KLF7: variants seen among roughly 807,000 people sequenced by gnomAD.
KLF7 encodes the protein KLF transcription factor 7, also known as Krueppel-like factor 7.
A neutral mutation model predicts 27.3 loss-of-function variants in KLF7; 2 were observed. The ratio of observed to expected loss-of-function variants is 0.07; its 90% CI spans 0.03 to 0.23. The LOEUF is 0.23. KLF7 is among the 10% of genes least tolerant of loss of function. The probability of loss-of-function intolerance (pLI) is 1.00; values close to 1 mark genes in which losing one functional copy is unlikely to be tolerated. For missense variants in KLF7, 221 were observed against 394.1 expected (o/e 0.56, Z 3.72); for synonymous variants, 165 against 162.4 (o/e 1.02, Z -0.12).
At position 207,165,605 on chromosome 2, in the gene KLF7, C is replaced by T; in HGVS notation, c.-37G>A. The T allele has an allele frequency of 1.2e-6, 2 of 1,612,220 alleles. No homozygotes were observed. The highest frequency in any genetic ancestry group is 1.7e-6 in the Non-Finnish European group (2 of 1,179,930). On this transcript the variant is annotated 5_prime_UTR_variant, in exon 1 of 4. Coordinates refer to ENST00000309446, the MANE Select transcript of KLF7 (RefSeq NM_003709.4). ...CGGGCAAAACGGGAGGCGAAACCCT[C>T]CCCCGAACACAGTTGGGGCTGTTTG...
intron 2 of KLF7, among the ~76,000 whole-genome samples, chr2:207,102,990 G>A (rs967260831): frequency 9.2e-5 from 14 of 152,130 alleles, no homozygotes; most frequent in East Asian, 1.9e-4. Flanking sequence ...GTGCAGTGGC[G>A]TGATCTTAGC....
chr2:207,164,279 G>T (rs977508883), intron 1 of KLF7, among the ~76,000 whole-genome samples: 1 of 152,180 alleles, frequency 6.6e-6, no homozygotes, highest in Non-Finnish European at 1.5e-5. Context: ...GTCACTAAGC[G>T]AAGAAATTAC....
Position 207,115,041 on chromosome 2 carries a change from T to C in KLF7, c.733+8733A>G, listed in dbSNP as rs2284937. On this transcript the variant is annotated intron_variant, in intron 2 of 3. Transcript: ENST00000309446. Reference sequence around the variant, plus strand: ...ACAAAATAAGCCTAAGTATATGTTTTATAATACCAGATGAGTAGTTTAGAA... The same window carrying C: ...ACAAAATAAGCCTAAGTATATGTTTCATAATACCAGATGAGTAGTTTAGAA... Among the ~76,000 whole-genome samples, 53 of 152,376 alleles carry C rather than the reference T, an allele frequency of 3.5e-4. No homozygotes were observed. The East Asian group carries it at 0.01, about 29-fold the overall frequency.
Position 207,124,018 on chromosome 2 carries a change from C to T in KLF7, c.489G>A (p.Thr163=), listed in dbSNP as rs751386461. The T allele has an allele frequency of 3.8e-5, 61 of 1,614,156 alleles. 1 individual carries two copies. Among genetic ancestry groups the T allele is most frequent in the South Asian group, 2.9e-4 (26 of 91,078 alleles). The change falls in exon 2 of 4, where the codon ACG becomes ACA. Residue 163 remains threonine, a synonymous_variant. Coordinates refer to ENST00000309446, the MANE Select transcript of KLF7 (RefSeq NM_003709.4). ...CAGCCTTCTTGGCCACCAGTTTCAACGTCACCGTGCCATCCACGGCAGAGA... is the reference window on the plus strand; with the variant it reads ...CAGCCTTCTTGGCCACCAGTTTCAATGTCACCGTGCCATCCACGGCAGAGA... ...QTLSAVDGTV[T]LKLVAKKAAL...
chr2:207,076,749 A>G lies in KLF7; in HGVS notation c.*4464T>C, dbSNP rs978546260. The G allele has an allele frequency of 6.6e-6, 1 of 152,202 alleles. No individual in the cohort carries two copies. The highest frequency in any genetic ancestry group is 2.4e-5 in the African/African-American group (1 of 41,450). 9.4% of individuals were successfully genotyped at this position (152,202 alleles called of 1,614,324 possible). Reference sequence around the variant, plus strand: ...GGCCCTCTAGTTTTCAAACTGAGATATCACCATGTTCACCGAAATTTAATC... The same window carrying G: ...GGCCCTCTAGTTTTCAAACTGAGATGTCACCATGTTCACCGAAATTTAATC... On this transcript the variant is annotated 3_prime_UTR_variant, in exon 4 of 4. Transcript: ENST00000309446.
intron 1 of KLF7, among the ~76,000 whole-genome samples, chr2:207,133,402 A>G (rs1286816223): frequency 6.6e-6 from 1 of 152,224 alleles, no homozygotes; most frequent in Non-Finnish European, 1.5e-5. Flanking sequence ...AGACACTCCA[A>G]TGGGAAAAAC....
At chr2:207,084,105 A>G (rs1375662387) in intron 3 of KLF7, among the ~76,000 whole-genome samples, 1 of 152,168 alleles carries the variant, frequency 6.6e-6, no homozygotes, top group Non-Finnish European at 1.5e-5. Context: ...CAAGGCAGCA[A>G]CTAGAAAATT....
upstream of KLF7, chr2:207,167,148 C>A: frequency 6.9e-7 from 1 of 1,439,794 alleles, no homozygotes; most frequent in South Asian, 1.4e-5. Context: ...ACCATGGGGT[C>A]TCCAGCGAGG....
Position 207,165,828 on chromosome 2 carries a change from G to T in KLF7, c.-260C>A. On this transcript the variant is annotated 5_prime_UTR_variant, in exon 1 of 4. Coordinates refer to ENST00000309446, the MANE Select transcript of KLF7 (RefSeq NM_003709.4). The stretch of plus-strand genomic sequence containing the variant: ...ACAGTGCAGACGACTGCCAGGAAAA[G>T]GGGACTTCTCCACGGGAGTAACAAT... 7.5e-7 allele frequency: 1 copy of T among 1,326,098 alleles called. No homozygotes were observed. The highest frequency in any genetic ancestry group is 9.7e-7 in the Non-Finnish European group (1 of 1,034,764). 82.1% of individuals were successfully genotyped at this position (1,326,098 alleles called of 1,614,324 possible). A position where few individuals can be genotyped will look rare whatever the true frequency, so the allele number is the denominator to read the frequency against.
At chr2:207,102,928 CTTTTA>C (rs2076800831) in intron 2 of KLF7, among the ~76,000 whole-genome samples, 1 of 151,984 alleles carries the variant, frequency 6.6e-6, no homozygotes, top group South Asian at 2.1e-4. Flanking sequence ...TCAAGCTGTA[CTTTTA>C]TTTATTTATT....
rs1574529561 is a variant in KLF7 at position 207,133,990 on chromosome 2, A to G, written c.103-9586T>C. The G allele has an allele frequency of 9.0e-6, 10 of 1,105,434 alleles. No individual in the cohort carries two copies. The Admixed American group carries it at 2.2e-4, about 25-fold the overall frequency. 68.5% of individuals were successfully genotyped at this position (1,105,434 alleles called of 1,614,324 possible). ...CCTGTTTTACAGCCCGCTCTTATGC[A>G]CCCCCACCCGCTCCTGTTAACTTTG... is the stretch of plus-strand genomic sequence containing the variant. On this transcript the variant is annotated intron_variant, in intron 1 of 3. Coordinates refer to ENST00000309446, the MANE Select transcript of KLF7 (RefSeq NM_003709.4).
intron 2 of KLF7, among the ~76,000 whole-genome samples, chr2:207,106,661 G>A (rs2105922999): frequency 6.6e-6 from 1 of 152,268 alleles, no homozygotes; most frequent in African/African-American, 2.4e-5. Flanking sequence ...TGGGGACTTT[G>A]GAACTCGTGC....
intron 2 of KLF7, among the ~76,000 whole-genome samples, chr2:207,099,150 G>A (rs2076698553): frequency 1.3e-5 from 2 of 152,132 alleles, no homozygotes; most frequent in South Asian, 4.2e-4. Context: ...ACAACTCCTA[G>A]TGAGTATAGC....
intron 1 of KLF7, among the ~76,000 whole-genome samples, chr2:207,145,534 G>A (rs754646353): frequency 1.6e-4 from 24 of 152,182 alleles, no homozygotes; most frequent in Non-Finnish European, 3.4e-4. Flanking sequence ...CTCAATGTCT[G>A]TTCCATTTTA....
chr2:207,113,167 CTT>C (rs2077080745), intron 2 of KLF7, among the ~76,000 whole-genome samples: 1 of 152,146 alleles, frequency 6.6e-6, no homozygotes, highest in Admixed American at 6.5e-5. Flanking sequence ...AAGATGCTGT[CTT>C]GTTATAAAGT....
At chr2:207,093,962 C>T (rs114612365) in intron 2 of KLF7, among the ~76,000 whole-genome samples, 9 of 152,312 alleles carry the variant, frequency 5.9e-5, no homozygotes, top group East Asian at 1.9e-4. Flanking sequence ...GCCTAAAAGA[C>T]GAGGATCCTG....
In KLF7 at chr2:207,109,897, T is replaced by C. The variant is rs564334376; in HGVS notation, c.733+13877A>G. 1.5e-4 allele frequency: 24 copies of C among 154,908 alleles called. 2 individuals are homozygous for C. In the South Asian group the frequency reaches 4.9e-3, roughly 31 times the overall value. 9.6% of individuals were successfully genotyped at this position (154,908 alleles called of 1,614,324 possible). A position where few individuals can be genotyped will look rare whatever the true frequency, so the allele number is the denominator to read the frequency against. Reference sequence around the variant, plus strand: ...AGGCCAGCTCACTAATGGCAATCTCTTCAAGTGGCAAGGGATAAGCTAATA... The same window carrying C: ...AGGCCAGCTCACTAATGGCAATCTCCTCAAGTGGCAAGGGATAAGCTAATA... On this transcript the variant is annotated intron_variant, in intron 2 of 3. Coordinates refer to ENST00000309446, the MANE Select transcript of KLF7 (RefSeq NM_003709.4).
intron 2 of KLF7, among the ~76,000 whole-genome samples, chr2:207,096,540 G>C (rs1422427126): frequency 9.2e-5 from 14 of 152,178 alleles, no homozygotes; most frequent in Admixed American, 9.2e-4. Context: ...TGGGAAGAAA[G>C]CTCTGCAGAT....
At chr2:207,142,919 G>A (rs2077984023) in intron 1 of KLF7, among the ~76,000 whole-genome samples, 1 of 152,208 alleles carries the variant, frequency 6.6e-6, no homozygotes, top group Non-Finnish European at 1.5e-5. Context: ...CTAAAAGGCA[G>A]TAGCTGTTTC....
Sources: gnomAD v4.1 joint callset for allele counts (sites outside exome capture counted in the v4.1 genomes callset) on GRCh38, gnomAD v4.1.1 for gene constraint, MANE v1.5 for transcripts, NCBI Gene and HGNC (gene_info 2026-07-23, HGNC 2026-07-21) for gene names.